Variants in PDZD2 observed in about 807,000 individuals in gnomAD.
PDZD2 encodes the protein PDZ domain containing 2, also known as PDZ domain-containing protein 2.
In PDZD2, 90 loss-of-function variants were observed where a neutral mutation model predicts 220.7. The observed-to-expected ratio is 0.41, with a 90% CI of 0.34 to 0.49. The LOEUF (loss-of-function observed/expected upper bound fraction) is 0.49, where lower values mean the gene tolerates loss of function less well. Ranked by LOEUF, PDZD2 falls within the 20% of genes least tolerant of loss-of-function variation. The pLI is 0.28. For synonymous variants in PDZD2, 1,375 were observed against 1,450.5 expected, an observed-to-expected ratio of 0.95 and a Z score of 1.18; for missense variants, 3,174 against 3,608.5, an observed-to-expected ratio of 0.88 and a Z score of 3.08.
intron 6 of PDZD2, among the ~76,000 whole-genome samples, chr5:32,021,001 C>T (rs865787516): frequency 1.3e-5 from 2 of 150,342 alleles, no homozygotes; most frequent in African/African-American, 2.4e-5. Flanking sequence ...CATTGGGTGC[C>T]GGGGGGAAAA....
intron 2 of PDZD2, among the ~76,000 whole-genome samples, chr5:31,812,957 T>A (rs760008818): frequency 2.6e-5 from 4 of 152,208 alleles, no homozygotes; most frequent in Non-Finnish European, 5.9e-5. Flanking sequence ...CCTGCTACCA[T>A]GTGCTAGTTA....
chr5:31,727,846 A>G (rs1254839953), intron 1 of PDZD2, among the ~76,000 whole-genome samples: 2 of 151,490 alleles, frequency 1.3e-5, no homozygotes, highest in Non-Finnish European at 2.9e-5. Flanking sequence ...TACTAAAAAT[A>G]CAAAAAATTT....
rs371083538 is a variant in PDZD2 at position 31,709,107 on chromosome 5, C to T, written c.-361+69670C>T. 4.6e-3 allele frequency among the ~76,000 whole-genome samples: 699 copies of T among 152,102 alleles called. 9 individuals are homozygous for T. In the South Asian group the frequency reaches 0.05, roughly 11 times the overall value. On this transcript the variant is annotated intron_variant, in intron 1 of 24. Coordinates refer to ENST00000438447, the MANE Select transcript of PDZD2 (RefSeq NM_178140.4). ...TTCACCATGTTGGCCAGGCTGGTTT[C>T]GAACTGCTGTCCTCATGATCCGCCC... is the stretch of plus-strand genomic sequence containing the variant.
chr5:31,952,984 G>A (rs1747312319), intron 2 of PDZD2, among the ~76,000 whole-genome samples: 1 of 151,472 alleles, frequency 6.6e-6, no homozygotes, highest in Non-Finnish European at 1.5e-5. Context: ...CTTGAACCTG[G>A]GAGGCAGAGG....
rs112645856 is a variant in PDZD2 at position 31,937,318 on chromosome 5, T to C, written c.477-45837T>C. The stretch of plus-strand genomic sequence containing the variant: ...GAGGAGGTTGGATAGAAATGGTGCG[T>C]GTGGTCAGCCTGAGAAGAACGTCAG... On this transcript the variant is annotated intron_variant, in intron 2 of 24. Coordinates refer to ENST00000438447, the MANE Select transcript of PDZD2 (RefSeq NM_178140.4). 2.9e-3 allele frequency among the ~76,000 whole-genome samples: 436 copies of C among 152,170 alleles called. 3 individuals carry two copies. The highest frequency in any genetic ancestry group is 9.9e-3 in the African/African-American group (410 of 41,512).
At chr5:31,908,104 A>G (rs1235362366) in intron 2 of PDZD2, among the ~76,000 whole-genome samples, 3 of 149,582 alleles carry the variant, frequency 2.0e-5, no homozygotes, top group Admixed American at 6.6e-5. Context: ...AAAAAAAAAA[A>G]AAAAGAAAGA....
chr5:31,690,111 T>C, intron 1 of PDZD2, among the ~76,000 whole-genome samples: 1 of 152,094 alleles, frequency 6.6e-6, no homozygotes, highest in East Asian at 1.9e-4. Flanking sequence ...CAAGATCAAC[T>C]CCTATGTGCA....
At chr5:31,745,355 G>A (rs1388475303) in intron 1 of PDZD2, among the ~76,000 whole-genome samples, 1 of 152,118 alleles carries the variant, frequency 6.6e-6, no homozygotes, top group Admixed American at 6.5e-5. Flanking sequence ...TTTTAGTTCC[G>A]TTTATTTTGT....
At chr5:31,997,873 C>T (rs894423929) in intron 4 of PDZD2, among the ~76,000 whole-genome samples, 3 of 152,118 alleles carry the variant, frequency 2.0e-5, no homozygotes, top group South Asian at 2.1e-4. Flanking sequence ...GGTGAAGTCT[C>T]GCTCTGTTGC....
At chr5:32,020,045 A>G (rs1468107768) in intron 6 of PDZD2, among the ~76,000 whole-genome samples, 2 of 149,522 alleles carry the variant, frequency 1.3e-5, no homozygotes, top group African/African-American at 4.9e-5. Flanking sequence ...ATATATATAC[A>G]CACATATATA....
chr5:31,673,117 G>A (rs1746279786), intron 1 of PDZD2, among the ~76,000 whole-genome samples: 1 of 152,190 alleles, frequency 6.6e-6, no homozygotes, highest in South Asian at 2.1e-4. Context: ...AGGGGAAGGG[G>A]CAGCTGACCT....
At chr5:31,850,915 T>C (rs62360846) in intron 2 of PDZD2, among the ~76,000 whole-genome samples, 12,433 of 152,152 alleles carry the variant, frequency 0.082, 626 homozygotes, top group Middle Eastern at 0.15. Flanking sequence ...GGATTACAGG[T>C]GTGAGCCACT....
At chr5:32,092,842 ATT>A (rs1743283466) in intron 20 of PDZD2, 63 bp from the exon 21 acceptor site, 1 of 782,040 alleles carries the variant, frequency 1.3e-6, no homozygotes, top group Non-Finnish European at 2.1e-6. Flanking sequence ...TTTTAAATGC[ATT>A]CTTATAAAAT....
Position 31,939,765 on chromosome 5 carries a change from C to T in PDZD2, c.477-43390C>T, listed in dbSNP as rs191268416. ...CTGAGTGTCCAGCCCAAAGCTGAAG[C>T]ATCTGTCATCTCCCTTTGGCTATGG... On this transcript the variant is annotated intron_variant, in intron 2 of 24. Transcript: ENST00000438447. Among the ~76,000 whole-genome samples the T allele has an allele frequency of 1.5e-3, 229 of 152,316 alleles. 1 individual carries two copies. Among genetic ancestry groups the T allele is most frequent in the African/African-American group, 5.4e-3 (225 of 41,576 alleles).
chr5:31,899,858 G>A (rs1037501942), intron 2 of PDZD2, among the ~76,000 whole-genome samples: 1 of 152,202 alleles, frequency 6.6e-6, no homozygotes, highest in Non-Finnish European at 1.5e-5. Context: ...CACCATCTGT[G>A]AACCAGAAAG....
At chr5:31,921,338 T>C (rs1311162323) in intron 2 of PDZD2, among the ~76,000 whole-genome samples, 2 of 152,056 alleles carry the variant, frequency 1.3e-5, no homozygotes, top group Admixed American at 6.6e-5. Flanking sequence ...GTGGGCACGC[T>C]GAAATTCATG....
chr5:32,090,737 C>T lies in PDZD2; in HGVS notation c.7289C>T (p.Pro2430Leu). The change falls in exon 20 of 25, where the codon CCA (proline) becomes CTA (leucine). Residue 2430 changes from proline to leucine, a missense_variant. By Grantham distance (98) the Pro-to-Leu change is moderately conservative. This residue lies in a region of PDZD2 where 631 missense variants were observed against 789.9 expected (regional missense o/e 0.80). Transcript: ENST00000438447. This position sits in a 1 kb window ranked among gnomAD's most constrained non-coding sequence, Gnocchi z 4.3. Reference sequence around the variant, plus strand: ...ACACTGACCATCTCTCGGCAGAACCCACCAGAGACCAGTAGCAAGGGCTCT... The same window carrying T: ...ACACTGACCATCTCTCGGCAGAACCTACCAGAGACCAGTAGCAAGGGCTCT... ...IMTLTISRQN[P>L]PETSSKGSDS... 1 of 1,614,190 alleles carries T rather than the reference C, an allele frequency of 6.2e-7. No homozygotes were observed. The highest frequency in any genetic ancestry group is 8.5e-7 in the Non-Finnish European group (1 of 1,180,010).
chr5:32,050,056 A>C (rs56402282), intron 8 of PDZD2, among the ~76,000 whole-genome samples: 1 of 152,052 alleles, frequency 6.6e-6, no homozygotes, highest in Non-Finnish European at 1.5e-5. Context: ...TCAGCCTCTC[A>C]AGTACCTGGG....
chr5:31,666,545 C>T (rs77380763), intron 1 of PDZD2, among the ~76,000 whole-genome samples: 255 of 152,312 alleles, frequency 1.7e-3, no homozygotes, highest in African/African-American at 5.9e-3. Context: ...TTTAGGTTAC[C>T]ATTAGAGTTC....
Sources: allele counts gnomAD v4.1 joint callset (sites outside exome capture counted in the v4.1 genomes callset), GRCh38; gene constraint gnomAD v4.1.1; regional missense constraint gnomAD v4.1.1; non-coding constraint Gnocchi (gnomAD v3.1); transcripts MANE v1.5; gene names NCBI Gene and HGNC (gene_info 2026-07-23, HGNC 2026-07-21).